Variants in UNC79 observed in about 807,000 individuals in gnomAD.
UNC79 encodes the protein protein unc-79 homolog.
Under a neutral mutation model 283.1 loss-of-function variants are expected in UNC79, and 37 were observed. That is an observed-to-expected ratio of 0.13 (90% CI 0.10 to 0.17). UNC79 has a LOEUF of 0.17. Among genes scored for constraint, UNC79 ranks in the 10% least tolerant of loss-of-function variants. The pLI is 1.00. For missense variants in UNC79, 2,272 were observed against 3,211.1 expected (o/e 0.71, Z 7.07); for synonymous variants, 1,107 against 1,200.2 (o/e 0.92, Z 1.61).
chr14:93,618,348 G>A (rs1266608031), exon 29 of UNC79: 2 of 1,607,148 alleles, frequency 1.2e-6, no homozygotes, highest in Admixed American at 3.4e-5. Context: ...CAGCGAAAAA[G>A]AAAAAGGTAC....
intron 4 of UNC79, among the ~76,000 whole-genome samples, chr14:93,481,084 C>T (rs2058113981): frequency 6.6e-6 from 1 of 152,116 alleles, no homozygotes; most frequent in African/African-American, 2.4e-5. Context: ...TTCCTCCTTA[C>T]CATCCTTGTC....
chr14:93,653,801 A>G (rs771889824), exon 36 of UNC79: 4 of 1,613,874 alleles, frequency 2.5e-6, no homozygotes, highest in Non-Finnish European at 3.4e-6. Context: ...TGCATCTTCC[A>G]TCAGTTGGCC....
At chr14:93,664,279 C>A (rs1467603302) in intron 40 of UNC79, among the ~76,000 whole-genome samples, 1 of 152,084 alleles carries the variant, frequency 6.6e-6, no homozygotes, top group Non-Finnish European at 1.5e-5. Context: ...AGTCTAGATA[C>A]CCTGAAAACC....
At chr14:93,538,284 A>G (rs2061182589) in intron 12 of UNC79, 66 bp downstream of exon 12, 2 of 1,437,492 alleles carry the variant, frequency 1.4e-6, no homozygotes, top group South Asian at 2.9e-5. Flanking sequence ...AGCTCCGCAC[A>G]CTGAGATGTG....
chr14:93,359,887 C>T (rs372981523), intron 1 of UNC79, among the ~76,000 whole-genome samples: 83 of 152,260 alleles, frequency 5.5e-4, no homozygotes, highest in Middle Eastern at 3.4e-3. Context: ...TCCTTCCCCA[C>T]GGAGACATCC....
chr14:93,554,028 G>A (rs566245306), intron 14 of UNC79, among the ~76,000 whole-genome samples: 9 of 152,120 alleles, frequency 5.9e-5, no homozygotes, highest in African/African-American at 2.2e-4. Context: ...ACAGAGAGAG[G>A]ACTCAGCTTT....
intron 13 of UNC79, 61 bp downstream of exon 13, chr14:93,540,892 A>G (rs2061340704): frequency 6.2e-7 from 1 of 1,601,124 alleles, no homozygotes; most frequent in Non-Finnish European, 8.5e-7. Flanking sequence ...ATTGTACTGA[A>G]GAGGAATTTC....
At position 93,621,857 on chromosome 14, in the gene UNC79, C is replaced by T. The variant is rs141877928; in HGVS notation, c.4624C>T (p.Pro1542Ser). The change falls in exon 30 of 49, where the codon CCA becomes TCA. Residue 1542 changes from proline (P) to serine (S), a missense_variant. Around this residue, in one of 11 missense-constraint regions of UNC79, gnomAD observed 580 missense variants for 632.2 expected, o/e 0.92. Coordinates refer to ENST00000555664, the Ensembl canonical transcript of UNC79. The surrounding 1 kb of genome is among the most constrained non-coding windows in gnomAD (Gnocchi z 4.8). ...CCAAGCTGCGTATATCGCACAAAGA[C>T]CAAACGACCCTGGACGTTCTAGACA... is the stretch of plus-strand genomic sequence containing the variant. 87 of 1,613,974 alleles carry T rather than the reference C, an allele frequency of 5.4e-5. No individual in the cohort carries two copies. The African/African-American group carries it at 1.1e-3, about 20-fold the overall frequency.
chr14:93,397,195 T>C (rs1158067389), intron 1 of UNC79: 1 of 152,184 alleles, frequency 6.6e-6, no homozygotes, highest in African/African-American at 2.4e-5. Flanking sequence ...GTGACACTAA[T>C]GTTAATAAGT....
intron 7 of UNC79, among the ~76,000 whole-genome samples, chr14:93,518,324 G>A (rs553155232): frequency 6.6e-6 from 1 of 151,878 alleles, no homozygotes; most frequent in Admixed American, 6.6e-5. Flanking sequence ...TGAGTTATTT[G>A]TGTCTTTTAA....
At chr14:93,547,643 T>C (rs925701258) in intron 14 of UNC79, among the ~76,000 whole-genome samples, 11 of 152,152 alleles carry the variant, frequency 7.2e-5, no homozygotes, top group African/African-American at 2.4e-4. Context: ...CTTAGCTCTT[T>C]TAATATTTAG....
chr14:93,358,306 T>C (rs927159224), intron 1 of UNC79, among the ~76,000 whole-genome samples: 3 of 152,140 alleles, frequency 2.0e-5, no homozygotes, highest in Non-Finnish European at 4.4e-5. Flanking sequence ...AGGAACATAA[T>C]GAAGTTGGTT....
chr14:93,511,053 G>T (rs768854378), intron 7 of UNC79, among the ~76,000 whole-genome samples: 1 of 152,194 alleles, frequency 6.6e-6, no homozygotes, highest in Non-Finnish European at 1.5e-5. Flanking sequence ...AATCATGGCA[G>T]AAGGTAAGGG....
chr14:93,429,761 T>C (rs1566929363), upstream of UNC79, among the ~76,000 whole-genome samples: 1 of 152,304 alleles, frequency 6.6e-6, no homozygotes, highest in Admixed American at 6.5e-5. Context: ...CTTTAACAAA[T>C]TAAACTATTT....
intron 44 of UNC79, 182 bp downstream of exon 47, chr14:93,689,022 A>G: frequency 1.7e-6 from 1 of 589,256 alleles, no homozygotes; most frequent in Non-Finnish European, 2.6e-6. Flanking sequence ...ATGCTCTTTG[A>G]CATGCTGCCA....
intron 12 of UNC79, among the ~76,000 whole-genome samples, chr14:93,539,431 T>G (rs908405562): frequency 6.0e-5 from 9 of 151,178 alleles, no homozygotes; most frequent in South Asian, 2.1e-4. Context: ...TGAGGCAGGA[T>G]AATCGCTTGA....
At chr14:93,677,422 C>G (rs925311795) in intron 41 of UNC79, among the ~76,000 whole-genome samples, 1 of 152,190 alleles carries the variant, frequency 6.6e-6, no homozygotes, top group South Asian at 2.1e-4. Context: ...TACATGGCAG[C>G]AGGCAAAAGA....
intron 1 of UNC79, among the ~76,000 whole-genome samples, chr14:93,400,617 G>A (rs976632269): frequency 6.6e-6 from 1 of 152,152 alleles, no homozygotes; most frequent in African/African-American, 2.4e-5. Context: ...GTGAATAAAG[G>A]CTTAATGACG....
intron 19 of UNC79, 140 bp downstream of exon 19, chr14:93,580,516 C>T: frequency 1.2e-6 from 1 of 866,262 alleles, no homozygotes; most frequent in Non-Finnish European, 1.7e-6. Context: ...GAAACTTTTC[C>T]CATTGCTTCT....
Sources: allele counts gnomAD v4.1 joint callset (sites outside exome capture counted in the v4.1 genomes callset), GRCh38; gene constraint gnomAD v4.1.1; regional missense constraint gnomAD v4.1.1; non-coding constraint Gnocchi (gnomAD v3.1); transcripts MANE v1.5; gene names NCBI Gene and HGNC (gene_info 2026-07-23, HGNC 2026-07-21).